Variants in XKR9 observed in about 807,000 individuals in gnomAD.
XKR9 encodes XK-related protein 9.
Under a neutral mutation model 32.0 loss-of-function variants are expected in XKR9, and 32 were observed. The ratio of observed to expected loss-of-function variants is 1.00; its 90% confidence interval spans 0.76 to 1.34. XKR9 has a LOEUF of 1.34. Ranked by LOEUF, XKR9 falls within the 40% of genes most tolerant of loss-of-function variation. The pLI is 0.00. For missense variants in XKR9, 546 were observed against 429.7 expected (o/e 1.27, Z -2.39); for synonymous variants, 168 against 143.4 (o/e 1.17, Z -1.22).
chr8:70,833,473 T>A, the XKR9 span, among the ~76,000 whole-genome samples: 1 of 152,134 alleles, frequency 6.6e-6, no homozygotes, highest in South Asian at 2.1e-4. Flanking sequence ...AGGTAAAGTA[T>A]ATGTAGATGT....
In XKR9 at chr8:70,701,574, G is replaced by C. The variant is rs182374456; in HGVS notation, c.273-5359G>C. 7.9e-5 allele frequency among the ~76,000 whole-genome samples: 12 copies of C among 152,238 alleles called. No homozygotes were observed. In the East Asian group the frequency reaches 2.3e-3, roughly 29 times the overall value. ...AGTTCAGGAAGTGGCAGAATACTGA[G>C]ATAGACAGTGAGAAATGAGCAAAAA... On this transcript the variant is annotated intron_variant, in intron 3 of 4. Transcript: ENST00000408926.
the XKR9 span, among the ~76,000 whole-genome samples, chr8:70,892,332 T>G: frequency 3.9e-5 from 6 of 152,160 alleles, no homozygotes; most frequent in Non-Finnish European, 8.8e-5. Context: ...TTTTGTTCTT[T>G]TGTTCCTGTT....
chr8:70,831,115 A>T, the XKR9 span, among the ~76,000 whole-genome samples: 1 of 152,056 alleles, frequency 6.6e-6, no homozygotes, highest in East Asian at 1.9e-4. Flanking sequence ...ACATGGTGAA[A>T]CCCCATCTCT....
the XKR9 span, among the ~76,000 whole-genome samples, chr8:70,895,209 T>C: frequency 2.6e-5 from 4 of 152,054 alleles, no homozygotes; most frequent in South Asian, 6.2e-4. Flanking sequence ...GCTGATCCCA[T>C]TTGGGGGATG....
At chr8:70,997,725 T>G in the XKR9 span, among the ~76,000 whole-genome samples, 1 of 152,252 alleles carries the variant, frequency 6.6e-6, no homozygotes, top group South Asian at 2.1e-4. Flanking sequence ...AACTTCTTCA[T>G]GTAACCAAAT....
the XKR9 span, among the ~76,000 whole-genome samples, chr8:70,861,385 T>C: frequency 6.6e-6 from 1 of 152,070 alleles, no homozygotes; most frequent in Non-Finnish European, 1.5e-5. Flanking sequence ...ACATGGTGGC[T>C]CACGCTTGTA....
intron 4 of XKR9, among the ~76,000 whole-genome samples, chr8:70,711,533 C>G (rs1805919812): frequency 1.3e-5 from 2 of 152,112 alleles, no homozygotes; most frequent in South Asian, 4.1e-4. Flanking sequence ...AACAGAAAAC[C>G]AAATACCACA....
At chr8:70,869,007 T>C in the XKR9 span, among the ~76,000 whole-genome samples, 82,701 of 152,020 alleles carry the variant, frequency 0.54, 23,450 homozygotes, top group Middle Eastern at 0.62. Flanking sequence ...ACAAGAGTCA[T>C]GTTTGCTCCA....
the XKR9 span, among the ~76,000 whole-genome samples, chr8:70,863,102 C>T: frequency 6.6e-6 from 1 of 151,914 alleles, no homozygotes; most frequent in African/African-American, 2.4e-5. Flanking sequence ...GAGGTAGGAG[C>T]CAGAGAGACT....
chr8:70,839,017 C>A, the XKR9 span, among the ~76,000 whole-genome samples: 1 of 151,950 alleles, frequency 6.6e-6, no homozygotes, highest in Admixed American at 6.6e-5. Flanking sequence ...AAGTTTTGTA[C>A]CTCCCATTAT....
chr8:70,845,511 G>C, the XKR9 span, among the ~76,000 whole-genome samples: 1 of 152,118 alleles, frequency 6.6e-6, no homozygotes, highest in Non-Finnish European at 1.5e-5. Flanking sequence ...TGAGACACAA[G>C]AGAACACAGA....
At chr8:70,685,445 T>C (rs1200759503) in intron 3 of XKR9, among the ~76,000 whole-genome samples, 1 of 147,312 alleles carries the variant, frequency 6.8e-6, no homozygotes, top group Non-Finnish European at 1.5e-5. Context: ...TGTATACATA[T>C]GTAACTAACC....
the XKR9 span, among the ~76,000 whole-genome samples, chr8:70,891,161 A>G: frequency 6.6e-6 from 1 of 150,430 alleles, no homozygotes; most frequent in Non-Finnish European, 1.5e-5. Context: ...TTTTGCTTTT[A>G]TTTATTCAGG....
At chr8:70,820,129 C>T in the XKR9 span, among the ~76,000 whole-genome samples, 6 of 152,252 alleles carry the variant, frequency 3.9e-5, no homozygotes, top group African/African-American at 1.4e-4. Context: ...GGTCATAAGA[C>T]CCTCATTCTA....
chr8:70,944,370 A>G, the XKR9 span, among the ~76,000 whole-genome samples: 36 of 152,246 alleles, frequency 2.4e-4, no homozygotes, highest in African/African-American at 4.3e-4. Context: ...TGTGAGTCAA[A>G]AACAAAACGA....
chr8:70,994,514 T>G, the XKR9 span, among the ~76,000 whole-genome samples: 1 of 152,250 alleles, frequency 6.6e-6, no homozygotes, highest in Non-Finnish European at 1.5e-5. Context: ...ATTTAAATTT[T>G]TAACCTCTGG....
chr8:70,839,058 A>C, the XKR9 span, among the ~76,000 whole-genome samples: 1 of 152,132 alleles, frequency 6.6e-6, no homozygotes, highest in Non-Finnish European at 1.5e-5. Flanking sequence ...TTACTGGTCT[A>C]TTCTGAGAGA....
At position 70,735,091 on chromosome 8, in the gene XKR9, T is replaced by C. The variant is rs957643293; in HGVS notation, c.*667T>C. The C allele has an allele frequency of 6.6e-6, 1 of 152,152 alleles. No homozygotes were observed. Among genetic ancestry groups the C allele is most frequent in the African/African-American group, 2.4e-5 (1 of 41,446 alleles). The allele number at this position is 152,152 out of a possible 1,614,324, so 9.4% of individuals were successfully genotyped here. A position where few individuals can be genotyped will look rare whatever the true frequency, so the allele number is the denominator to read the frequency against. The stretch of plus-strand genomic sequence containing the variant: ...TATCTAAATCATATTTTAAAATTAT[T>C]TTTATTTTTAAAAAATTATGGTAAA... On this transcript the variant is annotated 3_prime_UTR_variant, in exon 5 of 5. Transcript: ENST00000408926.
the XKR9 span, among the ~76,000 whole-genome samples, chr8:70,954,500 T>C: frequency 6.6e-6 from 1 of 152,252 alleles, no homozygotes; most frequent in African/African-American, 2.4e-5. Flanking sequence ...CTTTTCAAGG[T>C]GGATTTGCAC....
Sources: gnomAD v4.1 joint callset for allele counts (sites outside exome capture counted in the v4.1 genomes callset) on GRCh38, gnomAD v4.1.1 for gene constraint, MANE v1.5 for transcripts, NCBI Gene and HGNC (gene_info 2026-07-23, HGNC 2026-07-21) for gene names.